The following SAMD12 variants were observed in gnomAD, a reference collection of about 807,000 sequenced individuals.
The protein encoded by SAMD12 is sterile alpha motif domain-containing protein 12.
In SAMD12, 9 loss-of-function variants were observed where a neutral mutation model predicts 15.0. That is an observed-to-expected ratio of 0.60 (90% CI 0.36 to 1.05). The LOEUF is 1.05. Ranked by LOEUF, SAMD12 falls within the 50% of genes least tolerant of loss-of-function variation. SAMD12 has a pLI of 0.01. For synonymous variants in SAMD12, 86 were observed against 90.1 expected (o/e 0.96, Z 0.25); for missense variants, 230 against 234.2 (o/e 0.98, Z 0.12).
chr8:118,430,339 G>A lies in SAMD12; in HGVS notation c.322+9493C>T, dbSNP rs563823864. Among the ~76,000 whole-genome samples the A allele has an allele frequency of 4.6e-5, 7 of 151,160 alleles. No individual in the cohort carries two copies. In the East Asian group the frequency reaches 1.2e-3, roughly 25 times the overall value. ...TGTTTAGAATTGTTACGTCTTCTTG[G>A]AGAATGTAACCCTGTATCATTCTGT... On this transcript the variant is annotated intron_variant, in intron 3 of 3. Coordinates refer to ENST00000314727, the MANE Select transcript of SAMD12 (RefSeq NM_207506.3).
intron 3 of SAMD12, among the ~76,000 whole-genome samples, chr8:118,404,571 G>A (rs1386015429): frequency 6.6e-6 from 1 of 152,084 alleles, no homozygotes; most frequent in Non-Finnish European, 1.5e-5. Flanking sequence ...ACTTCCATTT[G>A]GAGTTTGTGT....
intron 4 of SAMD12, among the ~76,000 whole-genome samples, chr8:118,210,243 G>A (rs903704882): frequency 3.9e-5 from 6 of 152,162 alleles, no homozygotes; most frequent in Non-Finnish European, 7.3e-5. Context: ...TTTAAGCCTC[G>A]TAACAGCTTT....
intron 1 of SAMD12, among the ~76,000 whole-genome samples, chr8:118,582,112 G>A (rs951981811): frequency 7.2e-5 from 11 of 152,090 alleles, no homozygotes; most frequent in African/African-American, 2.7e-4. Flanking sequence ...CCTGAGGGAT[G>A]AGGCAGGCTT....
chr8:118,181,340 T>C, the SAMD12 span, among the ~76,000 whole-genome samples: 1 of 152,232 alleles, frequency 6.6e-6, no homozygotes, highest in Non-Finnish European at 1.5e-5. Context: ...CAATACTCAC[T>C]GTAAGGACTG....
At chr8:118,163,736 G>T in the SAMD12 span, among the ~76,000 whole-genome samples, 2 of 152,150 alleles carry the variant, frequency 1.3e-5, no homozygotes, top group Non-Finnish European at 2.9e-5. Flanking sequence ...TTAGCCAGGC[G>T]CGGTGGCGGG....
intron 4 of SAMD12, among the ~76,000 whole-genome samples, chr8:118,287,490 G>A (rs185373958): frequency 9.7e-4 from 148 of 152,282 alleles, no homozygotes; most frequent in African/African-American, 3.4e-3. Flanking sequence ...GAGCTAGGGC[G>A]AGTAAAGGAA....
At chr8:118,311,333 C>A (rs972083177) in intron 4 of SAMD12, among the ~76,000 whole-genome samples, 2 of 152,164 alleles carry the variant, frequency 1.3e-5, no homozygotes, top group African/African-American at 4.8e-5. Flanking sequence ...AACCCACTAC[C>A]TTTTTTTATG....
intron 2 of SAMD12, among the ~76,000 whole-genome samples, chr8:118,447,690 AT>A (rs199775333): frequency 0.025 from 3,569 of 142,196 alleles, 124 homozygotes; most frequent in African/African-American, 0.089. Flanking sequence ...TTATTTTTTT[AT>A]TTTTTATTTT....
At chr8:118,442,830 G>C (rs1214132608) in intron 2 of SAMD12, among the ~76,000 whole-genome samples, 1 of 152,192 alleles carries the variant, frequency 6.6e-6, no homozygotes, top group African/African-American at 2.4e-5. Context: ...CGTAAATTAG[G>C]AAGGGAAAGG....
intron 4 of SAMD12, among the ~76,000 whole-genome samples, chr8:118,370,039 A>C (rs1395621114): frequency 2.0e-5 from 3 of 152,166 alleles, no homozygotes; most frequent in Non-Finnish European, 4.4e-5. Context: ...TAATATCCAG[A>C]ATCTATAAGG....
chr8:118,549,276 C>T (rs1009648288), intron 2 of SAMD12, among the ~76,000 whole-genome samples: 6 of 152,172 alleles, frequency 3.9e-5, no homozygotes, highest in African/African-American at 1.4e-4. Context: ...TGGGAGGCAC[C>T]CCCCAAGTAG....
At chr8:118,604,696 C>T (rs551673949) in intron 1 of SAMD12, among the ~76,000 whole-genome samples, 10 of 152,000 alleles carry the variant, frequency 6.6e-5, no homozygotes, top group East Asian at 1.9e-4. Context: ...CTGAGGCGGG[C>T]GGATGAGGAG....
intron 2 of SAMD12, among the ~76,000 whole-genome samples, chr8:118,488,962 C>T (rs1824361427): frequency 6.6e-6 from 1 of 152,158 alleles, no homozygotes. Context: ...GAGGTTGTAC[C>T]AGTTTACACT....
At chr8:118,548,744 G>C (rs1320081199) in intron 2 of SAMD12, among the ~76,000 whole-genome samples, 1 of 152,258 alleles carries the variant, frequency 6.6e-6, no homozygotes, top group African/African-American at 2.4e-5. Context: ...CTCGGGAAGT[G>C]CAAGGGGTCA....
chr8:118,608,305 AC>A (rs999833805), intron 1 of SAMD12, among the ~76,000 whole-genome samples: 1 of 150,890 alleles, frequency 6.6e-6, no homozygotes, highest in African/African-American at 2.4e-5. Context: ...ACACTGACAC[AC>A]CCCGCTCAGA....
At chr8:118,476,427 C>T (rs73315353) in intron 2 of SAMD12, among the ~76,000 whole-genome samples, 3,367 of 152,240 alleles carry the variant, frequency 0.022, 118 homozygotes, top group African/African-American at 0.077. Flanking sequence ...TTGGATGGCT[C>T]CTGTCCTTTG....
At chr8:118,527,284 G>A (rs183124444) in intron 2 of SAMD12, among the ~76,000 whole-genome samples, 8 of 152,228 alleles carry the variant, frequency 5.3e-5, no homozygotes, top group Non-Finnish European at 7.4e-5. Context: ...TTTCTCTTGG[G>A]TTTAGTACCC....
intron 3 of SAMD12, among the ~76,000 whole-genome samples, chr8:118,422,829 T>C (rs1822056957): frequency 6.6e-6 from 1 of 151,948 alleles, no homozygotes; most frequent in Non-Finnish European, 1.5e-5. Flanking sequence ...CAAACTGAAA[T>C]GCAAAAGTGG....
At chr8:118,428,182 A>G (rs772746432) in intron 3 of SAMD12, among the ~76,000 whole-genome samples, 2 of 152,176 alleles carry the variant, frequency 1.3e-5, no homozygotes, top group Non-Finnish European at 2.9e-5. Flanking sequence ...TTAGATATAT[A>G]ATAAAAGTGC....
Sources: allele counts gnomAD v4.1 joint callset (sites outside exome capture counted in the v4.1 genomes callset), GRCh38; gene constraint gnomAD v4.1.1; transcripts MANE v1.5; gene names NCBI Gene and HGNC (gene_info 2026-07-23, HGNC 2026-07-21).